TGM2: variants seen among roughly 807,000 people sequenced by gnomAD.
TGM2 encodes transglutaminase 2, also known as protein-glutamine gamma-glutamyltransferase 2.
TGM2 carries 53 observed loss-of-function variants against 75.6 expected under a neutral mutation model. That is an observed-to-expected ratio of 0.70 (90% CI 0.56 to 0.88). The LOEUF is 0.88. Ranked by LOEUF, TGM2 falls within the 40% of genes least tolerant of loss-of-function variation. TGM2 has a pLI of 0.00. For missense variants in TGM2, 842 were observed against 928.5 expected, an observed-to-expected ratio of 0.91 and a Z score of 1.21; for synonymous variants, 374 against 381.1, an observed-to-expected ratio of 0.98 and a Z score of 0.22.
intron 11 of TGM2, among the ~76,000 whole-genome samples, 154 bp downstream of exon 11, chr20:38,132,186 C>T (rs1274091429): frequency 7.2e-5 from 11 of 152,142 alleles, no homozygotes; most frequent in Admixed American, 7.2e-4. Flanking sequence ...CTTCATGATG[C>T]TTTTCTTCGA....
At chr20:38,144,935 C>T (rs1304265488) in intron 6 of TGM2, among the ~76,000 whole-genome samples, 2 of 152,234 alleles carry the variant, frequency 1.3e-5, no homozygotes, top group East Asian at 3.8e-4. Context: ...CAGGCGGCCA[C>T]AGCCCAGGGT....
intron 6 of TGM2, 122 bp downstream of exon 6, chr20:38,146,595 T>C: frequency 8.5e-7 from 1 of 1,175,148 alleles, no homozygotes; most frequent in Non-Finnish European, 1.2e-6. Context: ...CTAGGCCACA[T>C]AGCGCATTGA....
At chr20:38,165,416 G>A (rs566362904), upstream of TGM2, 448 of 633,058 alleles carry the variant, frequency 7.1e-4, 2 homozygotes, top group African/African-American at 7.5e-3. Context: ...CAGGGGACCG[G>A]AGCCCGAGGG....
chr20:38,147,533 C>T lies in TGM2; in HGVS notation c.681+428G>A, dbSNP rs191410395. Among the ~76,000 whole-genome samples, 271 of 152,284 alleles carry T rather than the reference C, an allele frequency of 1.8e-3. 1 individual carries two copies. Among genetic ancestry groups the T allele is most frequent in the Middle Eastern group, 3.4e-3 (1 of 294 alleles). ...CCCTGAGCCTGGCCCTGCAGTCCAA[C>T]GCTCTCACACCTCGGGTTCCTTCAG... On this transcript the variant is annotated intron_variant, in intron 5 of 12. Coordinates refer to ENST00000361475, the MANE Select transcript of TGM2 (RefSeq NM_004613.4).
intron 2 of TGM2, among the ~76,000 whole-genome samples, chr20:38,159,769 T>A (rs1431358694): frequency 2.0e-5 from 3 of 152,198 alleles, no homozygotes; most frequent in Non-Finnish European, 2.9e-5. Context: ...GACTTGACCT[T>A]TCTGAGCCTC....
intron 5 of TGM2, among the ~76,000 whole-genome samples, chr20:38,147,392 CTCTT>C (rs2075059135): frequency 6.6e-6 from 1 of 152,150 alleles, no homozygotes; most frequent in African/African-American, 2.4e-5. Flanking sequence ...ACACTGGCCT[CTCTT>C]CCTTCCTCAA....
At chr20:38,158,303 A>G (rs753677677) in intron 2 of TGM2, among the ~76,000 whole-genome samples, 33 of 152,208 alleles carry the variant, frequency 2.2e-4, no homozygotes, top group Non-Finnish European at 4.4e-4. Context: ...AGGCTGTCCC[A>G]CGGTCCACCC....
intron 3 of TGM2, among the ~76,000 whole-genome samples, chr20:38,153,453 A>C (rs2075139145): frequency 6.7e-6 from 1 of 148,626 alleles, no homozygotes; most frequent in South Asian, 2.1e-4. Flanking sequence ...TCAACCCGGG[A>C]GGCAGAGGTT....
At chr20:38,147,926 G>T (rs2075065218) in intron 5 of TGM2, 35 bp downstream of exon 5, 3 of 1,592,964 alleles carry the variant, frequency 1.9e-6, no homozygotes, top group Non-Finnish European at 1.7e-6. Context: ...CCCCCTGTAG[G>T]CCCCGCCCCT....
Position 38,141,382 on chromosome 20 carries a change from G to A in TGM2, c.999C>T (p.Asn333=). 1 of 1,577,724 alleles carries A rather than the reference G, an allele frequency of 6.3e-7. No individual in the cohort carries two copies. Residue 333 remains asparagine, a synonymous_variant, in exon 8 of 13, where the codon AAC becomes AAT. Transcript: ENST00000361475. The part of the protein sequence containing the change: ...IQGDKSEMIW[N]FHCWVESWMT... Reference sequence around the variant, plus strand: ...TCCACGACTCCACCCAGCAGTGGAAGTTCCTGAGGGGGATAGGGGGGCGGG... The same window carrying A: ...TCCACGACTCCACCCAGCAGTGGAAATTCCTGAGGGGGATAGGGGGGCGGG...
intron 10 of TGM2, among the ~76,000 whole-genome samples, chr20:38,135,404 TACAC>T (rs111420640): frequency 0.012 from 1,793 of 147,412 alleles, 33 homozygotes; most frequent in African/African-American, 0.041. Context: ...CCTAAATGTA[TACAC>T]ACACACACAC....
Position 38,132,677 on chromosome 20 carries a change from G to GA in TGM2, c.1616-178dup, listed in dbSNP as rs917388070. The stretch of plus-strand genomic sequence containing the variant: ...CTCCAGGGTTCCCAGCGAGGAGCTG[G>GA]AGAGTGGACACTGAGCAGCGGGTAG... On this transcript the variant is annotated intron_variant, in intron 10 of 12. Coordinates refer to ENST00000361475, the MANE Select transcript of TGM2 (RefSeq NM_004613.4). 1.8e-5 allele frequency: 15 copies of GA among 846,638 alleles called. No individual in the cohort carries two copies. In the African/African-American group the frequency reaches 2.5e-4, roughly 14 times the overall value. 52.4% of individuals were successfully genotyped at this position (846,638 alleles called of 1,614,324 possible). A position where few individuals can be genotyped will look rare whatever the true frequency, so the allele number is the denominator to read the frequency against.
intron 5 of TGM2, among the ~76,000 whole-genome samples, chr20:38,147,719 G>A (rs954465565): frequency 6.6e-6 from 1 of 152,108 alleles, no homozygotes; most frequent in African/African-American, 2.4e-5. Context: ...CCAGTGCTTA[G>A]GACATAAGTG....
intron 10 of TGM2, among the ~76,000 whole-genome samples, chr20:38,136,436 C>T (rs1197400168): frequency 6.6e-6 from 1 of 152,184 alleles, no homozygotes; most frequent in Non-Finnish European, 1.5e-5. Context: ...CGAGGGCTCT[C>T]CAGCATCTCC....
Position 38,127,905 on chromosome 20 carries a change from G to A in TGM2, c.*2314C>T, listed in dbSNP as rs1256793641. On this transcript the variant is annotated 3_prime_UTR_variant, in exon 13 of 13. Transcript: ENST00000361475. The stretch of plus-strand genomic sequence containing the variant: ...ACAGCACAGGTCTTGTGGGAGTTGA[G>A]TTAGGAAACATTCATTTACCAATTC... 2.0e-5 allele frequency: 3 copies of A among 152,120 alleles called. No homozygotes were observed. 9.4% of individuals were successfully genotyped at this position (152,120 alleles called of 1,614,324 possible).
intron 8 of TGM2, among the ~76,000 whole-genome samples, chr20:38,140,141 A>G (rs1481225875): frequency 1.3e-5 from 2 of 152,234 alleles, no homozygotes; most frequent in Non-Finnish European, 2.9e-5. Context: ...AGTGCCCCGC[A>G]TGGGGCCAGC....
Position 38,129,950 on chromosome 20 carries a change from C to T in TGM2, c.*269G>A, listed in dbSNP as rs1176560756. On this transcript the variant is annotated 3_prime_UTR_variant, in exon 13 of 13. Transcript: ENST00000361475. ...GGCAGGAGAGGGAATGTAGGTCTTTCCTCTCTCACCCCAGCCCCAGTCAGC... is the reference window on the plus strand; with the variant it reads ...GGCAGGAGAGGGAATGTAGGTCTTTTCTCTCTCACCCCAGCCCCAGTCAGC... 8 of 530,216 alleles carry T rather than the reference C, an allele frequency of 1.5e-5. No individual in the cohort carries two copies. The highest frequency in any genetic ancestry group is 1.3e-4 in the African/African-American group (7 of 52,748). 32.8% of individuals were successfully genotyped at this position (530,216 alleles called of 1,614,324 possible).
At chr20:38,163,566 T>C (rs531081832) in intron 1 of TGM2, among the ~76,000 whole-genome samples, 1 of 152,310 alleles carries the variant, frequency 6.6e-6, no homozygotes, top group East Asian at 1.9e-4. Flanking sequence ...TTCTGTAGGA[T>C]TCTGCCCTGG....
chr20:38,140,549 T>C (rs1261000607), intron 8 of TGM2, among the ~76,000 whole-genome samples: 2 of 152,158 alleles, frequency 1.3e-5, no homozygotes, highest in East Asian at 1.9e-4. Flanking sequence ...GAAATGACCA[T>C]AGCAGCCTGA....
Sources: gnomAD v4.1 joint callset for allele counts (sites outside exome capture counted in the v4.1 genomes callset) on GRCh38, gnomAD v4.1.1 for gene constraint, MANE v1.5 for transcripts, NCBI Gene and HGNC (gene_info 2026-07-23, HGNC 2026-07-21) for gene names.